Variants in EPC2 observed in about 807,000 individuals in gnomAD.
EPC2 encodes the protein enhancer of polycomb homolog 2.
A neutral mutation model predicts 92.1 loss-of-function variants in EPC2; 14 were observed. The ratio of observed to expected loss-of-function variants is 0.15; its 90% confidence interval spans 0.10 to 0.24. EPC2 has a LOEUF of 0.24. Ranked by LOEUF, EPC2 falls within the 10% of genes least tolerant of loss-of-function variation. The pLI is 1.00. For missense variants in EPC2, 755 were observed against 971.5 expected, an observed-to-expected ratio of 0.78 and a Z score of 2.96; for synonymous variants, 340 against 334.7, an observed-to-expected ratio of 1.02 and a Z score of -0.17.
intron 2 of EPC2, among the ~76,000 whole-genome samples, chr2:148,742,094 T>G (rs1682889300): frequency 6.6e-6 from 1 of 152,230 alleles, no homozygotes; most frequent in South Asian, 2.1e-4. Context: ...GTCTATATAT[T>G]CCATGTATGT....
intron 2 of EPC2, among the ~76,000 whole-genome samples, chr2:148,734,956 G>A (rs778055047): frequency 6.6e-6 from 1 of 150,828 alleles, no homozygotes; most frequent in African/African-American, 2.4e-5. Flanking sequence ...TCTAATTTTT[G>A]GCTATTATGA....
intron 10 of EPC2, among the ~76,000 whole-genome samples, chr2:148,774,501 C>CCTGT (rs1683584667): frequency 6.6e-6 from 1 of 151,786 alleles, no homozygotes; most frequent in Non-Finnish European, 1.5e-5. Flanking sequence ...GTGGCACGTG[C>CCTGT]CTGTAGTCCC....
intron 2 of EPC2, among the ~76,000 whole-genome samples, chr2:148,697,260 T>C (rs181427415): frequency 2.6e-5 from 4 of 152,298 alleles, no homozygotes; most frequent in East Asian, 3.9e-4. Context: ...ACTTTAAACG[T>C]AGAAATTCAT....
chr2:148,677,051 C>G (rs951198013), intron 1 of EPC2, among the ~76,000 whole-genome samples: 3 of 152,062 alleles, frequency 2.0e-5, no homozygotes, highest in South Asian at 4.1e-4. Context: ...CTCTGTCTAC[C>G]CTTTCCCCAA....
chr2:148,699,206 A>C (rs901645539), intron 2 of EPC2, among the ~76,000 whole-genome samples: 4 of 152,244 alleles, frequency 2.6e-5, no homozygotes, highest in African/African-American at 9.6e-5. Flanking sequence ...ATTTACAAAA[A>C]AGCCAATAAC....
intron 2 of EPC2, among the ~76,000 whole-genome samples, chr2:148,699,646 A>T (rs936127392): frequency 1.3e-5 from 2 of 152,192 alleles, no homozygotes; most frequent in African/African-American, 4.8e-5. Flanking sequence ...TTCACCTATT[A>T]AAAGACATCT....
chr2:148,776,856 CTTTTTT>C (rs56073706), intron 10 of EPC2, among the ~76,000 whole-genome samples: 2 of 101,026 alleles, frequency 2.0e-5, no homozygotes, highest in African/African-American at 7.4e-5. Context: ...GTCTCTCTCT[CTTTTTT>C]TTTTTTTTTT....
At chr2:148,714,836 A>G (rs1468610375) in intron 2 of EPC2, among the ~76,000 whole-genome samples, 3 of 152,106 alleles carry the variant, frequency 2.0e-5, no homozygotes, top group African/African-American at 7.2e-5. Flanking sequence ...AGTTGCAAAA[A>G]GTTTCTCCCA....
At chr2:148,783,849 T>C (rs1046220193) in intron 12 of EPC2, 93 bp downstream of exon 12, 36 of 1,249,122 alleles carry the variant, frequency 2.9e-5, no homozygotes, top group Non-Finnish European at 3.8e-5. Context: ...AAGGGGAAAA[T>C]GTGTATAAGT....
chr2:148,666,783 T>G (rs1220684941), intron 1 of EPC2, among the ~76,000 whole-genome samples: 1 of 152,164 alleles, frequency 6.6e-6, no homozygotes, highest in Non-Finnish European at 1.5e-5. Flanking sequence ...GAAATTCTGG[T>G]GGTTTGGCTC....
chr2:148,690,694 T>A (rs931069667), intron 2 of EPC2, among the ~76,000 whole-genome samples: 2 of 151,948 alleles, frequency 1.3e-5, no homozygotes, highest in Non-Finnish European at 2.9e-5. Context: ...AGACAGAGTC[T>A]CTCTGTTACC....
At chr2:148,762,621 T>C in intron 5 of EPC2, 49 bp from the exon 6 acceptor site, 2 of 1,382,016 alleles carry the variant, frequency 1.4e-6, no homozygotes, top group Non-Finnish European at 9.6e-7. Context: ...TTTCCTTCTT[T>C]ATTGTCAAAC....
chr2:148,754,005 A>G lies in EPC2; in HGVS notation c.538A>G (p.Arg180Gly). 6.2e-7 allele frequency: 1 copy of G among 1,612,068 alleles called. No individual in the cohort carries two copies. The highest frequency in any genetic ancestry group is 8.5e-7 in the Non-Finnish European group (1 of 1,179,070). The change falls in exon 4 of 14, where the codon AGA becomes GGA. Residue 180 changes from arginine to glycine, a missense_variant. Arg to Gly is a moderately radical substitution (Grantham distance 125). Around this residue, in one of 4 missense-constraint regions of EPC2, gnomAD observed 509 missense variants for 607.7 expected, o/e 0.84. Transcript: ENST00000258484. ...TAAAGCTGTATATGACTACTGGGTG[A>G]GAAAACGTAAAAACTGCAGGGGGCC... is the stretch of plus-strand genomic sequence containing the variant. ...LIKAVYDYWV[R>G]KRKNCRGPSL...
At chr2:148,649,535 T>G (rs1055696003) in intron 1 of EPC2, among the ~76,000 whole-genome samples, 4 of 152,278 alleles carry the variant, frequency 2.6e-5, no homozygotes, top group African/African-American at 9.6e-5. Flanking sequence ...CTGAGTAGTA[T>G]TCCAGTGAAT....
intron 2 of EPC2, among the ~76,000 whole-genome samples, chr2:148,694,018 T>TA (rs2105373328): frequency 6.6e-6 from 1 of 152,294 alleles, no homozygotes; most frequent in South Asian, 2.1e-4. Context: ...GTACAGTACT[T>TA]ATAGCATGTG....
chr2:148,743,705 G>A lies in EPC2; in HGVS notation c.397G>A (p.Glu133Lys). 1 of 1,607,126 alleles carries A rather than the reference G, an allele frequency of 6.2e-7. No homozygotes were observed. The highest frequency in any genetic ancestry group is 1.3e-5 in the African/African-American group (1 of 74,634). Residue 133 changes from glutamate (E) to lysine (K), a missense_variant, in exon 3 of 14, where the codon GAA becomes AAA. Physicochemically the swap from Glu to Lys is moderately conservative, Grantham distance 56 (BLOSUM62 1). This residue lies in a region of EPC2 where 509 missense variants were observed against 607.7 expected (regional missense o/e 0.84). Coordinates refer to ENST00000258484, the MANE Select transcript of EPC2 (RefSeq NM_015630.4). The stretch of plus-strand genomic sequence containing the variant: ...ATTAAATAGACTTAACAGAAAGATG[G>A]AAATTAAGCCTTTGCAATTTGAAAT... ...TLLNRLNRKM[E>K]IKPLQFEIMI...
chr2:148,646,122 C>T (rs1170778213), intron 1 of EPC2, among the ~76,000 whole-genome samples: 1 of 152,190 alleles, frequency 6.6e-6, no homozygotes, highest in African/African-American at 2.4e-5. Context: ...TTCATAGTAA[C>T]TGCACCCTCA....
chr2:148,708,137 T>A (rs889607352), intron 2 of EPC2, among the ~76,000 whole-genome samples: 2 of 152,002 alleles, frequency 1.3e-5, no homozygotes, highest in East Asian at 1.9e-4. Flanking sequence ...ATCAAATAGA[T>A]GCAGTAAAAA....
At position 148,645,192 on chromosome 2, in the gene EPC2, A is replaced by AC. The variant is rs747339985; in HGVS notation, c.153+29dup. On this transcript the variant is annotated intron_variant, in intron 1 of 13. Transcript: ENST00000258484. ...ATCGGTAGGGACTCGAGTGTTTATT[A>AC]CCCCCCCTTCCCTCCTCCCCCCTCC... The AC allele has an allele frequency of 1.1e-4, 156 of 1,464,590 alleles. 1 individual carries two copies. The Admixed American group carries it at 1.1e-3, about 11-fold the overall frequency. 90.7% of individuals were successfully genotyped at this position (1,464,590 alleles called of 1,614,324 possible). A position where few individuals can be genotyped will look rare whatever the true frequency, so the allele number is the denominator to read the frequency against.
Sources: gnomAD v4.1 joint callset for allele counts (sites outside exome capture counted in the v4.1 genomes callset) on GRCh38, gnomAD v4.1.1 for gene constraint, gnomAD v4.1.1 regional missense constraint, MANE v1.5 for transcripts, NCBI Gene and HGNC (gene_info 2026-07-23, HGNC 2026-07-21) for gene names.